SEC61A2: variants seen among roughly 807,000 people sequenced by gnomAD.
SEC61A2 encodes the protein protein transport protein Sec61 subunit alpha isoform 2.
Under a neutral mutation model 59.9 loss-of-function variants are expected in SEC61A2, and 28 were observed. The ratio of observed to expected loss-of-function variants is 0.47; its 90% CI spans 0.35 to 0.64. SEC61A2 has a LOEUF of 0.64. Among genes scored for constraint, SEC61A2 ranks in the 30% least tolerant of loss-of-function variants. The pLI, the probability that SEC61A2 is intolerant of heterozygous loss-of-function variation, is 0.01. For synonymous variants in SEC61A2, 202 were observed against 214.4 expected, an observed-to-expected ratio of 0.94 and a Z score of 0.50; for missense variants, 340 against 585.9, an observed-to-expected ratio of 0.58 and a Z score of 4.33.
chr10:12,130,464 TG>T (rs1276124742), intron 1 of SEC61A2, among the ~76,000 whole-genome samples: 1 of 152,180 alleles, frequency 6.6e-6, no homozygotes, highest in African/African-American at 2.4e-5. Context: ...GGGCACCCAT[TG>T]GCCAACTAGT....
In SEC61A2 at chr10:12,152,535, A is replaced by C. The variant is rs923355016; in HGVS notation, c.462+2574A>C. ...AGCACTTTGAGAGGCCGAGATGGGC[A>C]GTTCACTTGAGGTCAGGAGTTTGAG... On this transcript the variant is annotated intron_variant, in intron 6 of 11. Coordinates refer to ENST00000298428, the MANE Select transcript of SEC61A2 (RefSeq NM_018144.4). The surrounding 1 kb of genome is among the most constrained non-coding windows in gnomAD (Gnocchi z 5.5). Among the ~76,000 whole-genome samples, 5 of 152,106 alleles carry C rather than the reference A, an allele frequency of 3.3e-5. No individual in the cohort carries two copies. The highest frequency in any genetic ancestry group is 5.9e-5 in the Non-Finnish European group (4 of 68,022).
downstream of SEC61A2, chr10:12,167,435 G>A (rs1403607974): frequency 5.6e-6 from 2 of 356,954 alleles, no homozygotes; most frequent in East Asian, 7.0e-5. Context: ...CTGAGCTGTA[G>A]TTAACTGCTG....
At chr10:12,169,091 T>C (rs866209689), downstream of SEC61A2, among the ~76,000 whole-genome samples, 7 of 152,196 alleles carry the variant, frequency 4.6e-5, no homozygotes, top group Non-Finnish European at 1.0e-4. The surrounding 1 kb of genome is among the most constrained non-coding windows in gnomAD (Gnocchi z 4.8). Context: ...TGTAATACTT[T>C]CCTTCCGACT....
chr10:12,168,012 A>G, downstream of SEC61A2: 1 of 1,005,206 alleles, frequency 9.9e-7, no homozygotes, highest in Non-Finnish European at 1.3e-6. This position sits in a 1 kb window ranked among gnomAD's most constrained non-coding sequence, Gnocchi z 4.8. Flanking sequence ...TGAGACAAGA[A>G]CATCAGGGAT....
At chr10:12,169,395 G>A (rs1834798563), downstream of SEC61A2, 2 of 1,059,526 alleles carry the variant, frequency 1.9e-6, no homozygotes, top group South Asian at 1.5e-5. This position sits in a 1 kb window ranked among gnomAD's most constrained non-coding sequence, Gnocchi z 4.8. Flanking sequence ...TCCTCAGAGG[G>A]AGGGGCTGTT....
intron 6 of SEC61A2, among the ~76,000 whole-genome samples, chr10:12,150,657 T>C (rs1270018164): frequency 6.6e-6 from 1 of 152,258 alleles, no homozygotes; most frequent in African/African-American, 2.4e-5. Flanking sequence ...TACATGGTAA[T>C]GTCTTAGAGT....
intron 3 of SEC61A2, among the ~76,000 whole-genome samples, chr10:12,141,230 A>G (rs755455861): frequency 3.3e-5 from 5 of 152,182 alleles, no homozygotes; most frequent in Non-Finnish European, 5.9e-5. Context: ...AAGAGTGTCT[A>G]CAGCTGCCAG....
rs2399784 is a variant in SEC61A2, at chr10:12,161,198, C to G, written c.1167+77C>G. On this transcript the variant is annotated intron_variant, in intron 10 of 11. Coordinates refer to ENST00000298428, the MANE Select transcript of SEC61A2 (RefSeq NM_018144.4). This position sits in a 1 kb window ranked among gnomAD's most constrained non-coding sequence, Gnocchi z 5.4. The stretch of plus-strand genomic sequence containing the variant: ...CACATCTGTAATCGTAGCACTTTGG[C>G]AGGCTGAGGCCGCTGGATCGCTTCA... 1,252,957 of 1,254,390 alleles carry G rather than the reference C, an allele frequency of 1. 625,777 individuals are homozygous for G. Among genetic ancestry groups the G allele is most frequent in the Middle Eastern group, 1 (3,916 of 3,916 alleles). The allele number at this position is 1,254,390 out of a possible 1,614,324, so 77.7% of individuals were successfully genotyped here. A position where few individuals can be genotyped will look rare whatever the true frequency, so the allele number is the denominator to read the frequency against.
At chr10:12,146,769 C>T (rs1392038412) in intron 4 of SEC61A2, among the ~76,000 whole-genome samples, 1 of 151,908 alleles carries the variant, frequency 6.6e-6, no homozygotes, top group East Asian at 2.0e-4. Flanking sequence ...CCGCCCGCCT[C>T]AGCCTCCCAA....
downstream of SEC61A2, among the ~76,000 whole-genome samples, chr10:12,168,812 C>T (rs1564420836): frequency 6.6e-6 from 1 of 151,904 alleles, no homozygotes. The surrounding 1 kb of genome is among the most constrained non-coding windows in gnomAD (Gnocchi z 4.8). Context: ...CGCCAGGCTG[C>T]AGTGCAGTGC....
chr10:12,166,399 G>T (rs1696880127), downstream of SEC61A2: 1 of 159,724 alleles, frequency 6.3e-6, no homozygotes, highest in Admixed American at 6.2e-5. Context: ...GAAGTAGTTG[G>T]ATCTTAATTT....
intron 2 of SEC61A2, among the ~76,000 whole-genome samples, chr10:12,135,124 G>C (rs2131644762): frequency 6.6e-6 from 1 of 151,214 alleles, no homozygotes; most frequent in South Asian, 2.1e-4. Context: ...GATACAGGGA[G>C]GGGGAACATC....
chr10:12,169,351 A>C, downstream of SEC61A2: 2 of 1,484,324 alleles, frequency 1.3e-6, no homozygotes, highest in Non-Finnish European at 1.8e-6. The surrounding 1 kb of genome is among the most constrained non-coding windows in gnomAD (Gnocchi z 4.8). Context: ...ACGGCATTTC[A>C]CACTTGCCTA....
downstream of SEC61A2, chr10:12,166,462 T>C (rs1834697480): frequency 4.2e-6 from 1 of 237,144 alleles, no homozygotes; most frequent in Non-Finnish European, 8.6e-6. Flanking sequence ...ATTTCCATAA[T>C]TGTTTTATCT....
In SEC61A2 at chr10:12,164,177, T is replaced by C; in HGVS notation, c.1245-91T>C. On this transcript the variant is annotated intron_variant, in intron 11 of 11. Coordinates refer to ENST00000298428, the MANE Select transcript of SEC61A2 (RefSeq NM_018144.4). The surrounding 1 kb of genome is among the most constrained non-coding windows in gnomAD (Gnocchi z 7.3). ...AGTTCAGGGAGGCTTTAGACCCAGC[T>C]ATGGCTGCTGCGCCTCGACCTGTCT... 1 of 1,468,116 alleles carries C rather than the reference T, an allele frequency of 6.8e-7. No homozygotes were observed. 90.9% of individuals were successfully genotyped at this position (1,468,116 alleles called of 1,614,324 possible).
At chr10:12,157,285 A>G (rs185960563) in intron 8 of SEC61A2, among the ~76,000 whole-genome samples, 135 of 152,280 alleles carry the variant, frequency 8.9e-4, no homozygotes, top group Non-Finnish European at 1.5e-3. Flanking sequence ...AGCAGGAAGC[A>G]GACTCTCGAC....
rs1834637180 is a variant in SEC61A2, at chr10:12,165,178, C to T, written c.*724C>T. On this transcript the variant is annotated 3_prime_UTR_variant, in exon 12 of 12. Transcript: ENST00000298428. ...AACCAGTCACTTGAGAATATTCTTT[C>T]AAGATTCTGGGCCCCGATTCTTTTC... The T allele has an allele frequency of 1.0e-6, 1 of 985,298 alleles. No individual in the cohort carries two copies. Among genetic ancestry groups the T allele is most frequent in the Non-Finnish European group, 1.2e-6 (1 of 829,918 alleles). 61.0% of individuals were successfully genotyped at this position (985,298 alleles called of 1,614,324 possible).
In SEC61A2 at chr10:12,157,927, C is replaced by T. The variant is rs1834442195; in HGVS notation, c.797C>T (p.Pro266Leu). The change falls in exon 9 of 12, where the codon CCC becomes CTC. Residue 266 changes from proline to leucine, a missense_variant. Coordinates refer to ENST00000298428, the MANE Select transcript of SEC61A2 (RefSeq NM_018144.4). The stretch of plus-strand genomic sequence containing the variant: ...TTTTAGGGATTTCGCGTTGATCTGC[C>T]CATTAAGTCGGCCCGTTACCGAGGA... Reference protein sequence around the residue: ...IYFQGFRVDLPIKSARYRGQY... With the variant: ...IYFQGFRVDLLIKSARYRGQY... 6.2e-7 allele frequency: 1 copy of T among 1,613,920 alleles called. No homozygotes were observed. The highest frequency in any genetic ancestry group is 1.3e-5 in the African/African-American group (1 of 74,870).
At chr10:12,168,747 A>C (rs1162537678), downstream of SEC61A2, among the ~76,000 whole-genome samples, 1 of 152,018 alleles carries the variant, frequency 6.6e-6, no homozygotes, top group African/African-American at 2.4e-5. This position sits in a 1 kb window ranked among gnomAD's most constrained non-coding sequence, Gnocchi z 4.8. Flanking sequence ...CTTTGTAGCA[A>C]ACTGATCTTT....
Sources: allele counts gnomAD v4.1 joint callset (sites outside exome capture counted in the v4.1 genomes callset), GRCh38; gene constraint gnomAD v4.1.1; non-coding constraint Gnocchi (gnomAD v3.1); transcripts MANE v1.5; gene names NCBI Gene and HGNC (gene_info 2026-07-23, HGNC 2026-07-21).